EHF: variants seen among roughly 807,000 people sequenced by gnomAD.
EHF encodes ETS homologous factor.
In EHF, 14 loss-of-function variants were observed where a neutral mutation model predicts 45.1. That is an observed-to-expected ratio of 0.31 (90% CI 0.21 to 0.49). EHF has a LOEUF of 0.49. Among genes scored for constraint, EHF ranks in the 20% least tolerant of loss-of-function variants. The pLI, the probability that EHF is intolerant of heterozygous loss-of-function variation, is 0.99. For missense variants in EHF, 282 were observed against 371.4 expected, an observed-to-expected ratio of 0.76 and a Z score of 1.98; for synonymous variants, 136 against 131.8, an observed-to-expected ratio of 1.03 and a Z score of -0.22.
At chr11:34,632,490 T>G in intron 1 of EHF, 1 of 1,530,280 alleles carries the variant, frequency 6.5e-7, no homozygotes, top group Non-Finnish European at 8.7e-7. Context: ...CTGCCCTGAG[T>G]GGAGATTGGT....
At chr11:34,627,495 A>T (rs1200033113) in intron 1 of EHF, among the ~76,000 whole-genome samples, 1 of 152,100 alleles carries the variant, frequency 6.6e-6, no homozygotes, top group East Asian at 1.9e-4. Context: ...ATGTCTACTG[A>T]CCACTGATGC....
intron 1 of EHF, chr11:34,631,465 A>C: frequency 1.6e-6 from 1 of 629,662 alleles, no homozygotes; most frequent in Non-Finnish European, 2.0e-6. Flanking sequence ...TTTTGGACTT[A>C]GCTTATCATG....
chr11:34,646,451 T>C lies in EHF; in HGVS notation c.110T>C (p.Phe37Ser), dbSNP rs1287262359. 1 of 1,614,056 alleles carries C rather than the reference T, an allele frequency of 6.2e-7. No individual in the cohort carries two copies. Among genetic ancestry groups the C allele is most frequent in the East Asian group, 2.2e-5 (1 of 44,878 alleles). Residue 37 changes from phenylalanine to serine, a missense_variant, in exon 3 of 9, where the codon TTT becomes TCT. By Grantham distance (155) the Phe-to-Ser change is radical. Coordinates refer to ENST00000257831, the MANE Select transcript of EHF (RefSeq NM_012153.6). Reference protein sequence around the residue: ...SYSTCNVSSGFFGGQWHEIHP... With the variant: ...SYSTCNVSSGSFGGQWHEIHP... ...TCCTGTTTTGCAGTTTCCAGTGGGT[T>C]TTTTGGAGGCCAGTGGCATGAAATT...
intron 3 of EHF, 54 bp from the exon 4 acceptor site, chr11:34,648,965 C>A: frequency 6.5e-7 from 1 of 1,532,934 alleles, no homozygotes; most frequent in Non-Finnish European, 9.0e-7. Context: ...ATTTAAGCAT[C>A]CAGTTCTGGC....
intron 1 of EHF, among the ~76,000 whole-genome samples, chr11:34,630,670 A>G (rs151032951): frequency 2.0e-3 from 105 of 51,646 alleles, no homozygotes; most frequent in African/African-American, 6.7e-3. Context: ...ACATTCCTGC[A>G]CAGTTGGTCT....
At chr11:34,646,354 T>C (rs1284740358) in intron 2 of EHF, 85 bp from the exon 3 acceptor site, 15 of 1,580,574 alleles carry the variant, frequency 9.5e-6, no homozygotes, top group Non-Finnish European at 1.3e-5. Context: ...CTGAGATATC[T>C]GGCAGCCAAC....
chr11:34,623,283 A>G (rs286918), intron 1 of EHF, among the ~76,000 whole-genome samples: 124,754 of 151,994 alleles, frequency 0.82, 51,763 homozygotes, highest in Middle Eastern at 0.86. Flanking sequence ...ACGGGGTTTT[A>G]CCATGTCAGC....
At chr11:34,644,608 C>G (rs1388350565) in intron 2 of EHF, among the ~76,000 whole-genome samples, 1 of 152,196 alleles carries the variant, frequency 6.6e-6, no homozygotes, top group Non-Finnish European at 1.5e-5. Flanking sequence ...ACCTCCTGCT[C>G]TTAGTGCTTC....
At chr11:34,637,616 G>T (rs1853571017) in intron 1 of EHF, among the ~76,000 whole-genome samples, 1 of 152,192 alleles carries the variant, frequency 6.6e-6, no homozygotes, top group Non-Finnish European at 1.5e-5. Context: ...GGCTAAATAG[G>T]TCTTGGCAAG....
At chr11:34,643,127 G>A (rs1854184149) in intron 2 of EHF, among the ~76,000 whole-genome samples, 1 of 151,902 alleles carries the variant, frequency 6.6e-6, no homozygotes. Context: ...TTAGGAAGGA[G>A]AGGGTTATAG....
chr11:34,652,061 G>A (rs1397356181), intron 6 of EHF, among the ~76,000 whole-genome samples: 2 of 152,148 alleles, frequency 1.3e-5, no homozygotes, highest in East Asian at 3.8e-4. Flanking sequence ...AAGTTGTTTA[G>A]GCTTTTCTTT....
rs940678851 is a variant in EHF at position 34,642,738 on chromosome 11, C to T, written c.97+11C>T. 3.7e-6 allele frequency: 6 copies of T among 1,602,288 alleles called. No homozygotes were observed. Among genetic ancestry groups the T allele is most frequent in the Middle Eastern group, 1.6e-4 (1 of 6,068 alleles). ...ACTCCACGTGCAATGGTAAGAGGGC[C>T]TGTGGGTGTTGGTGTCACTGCTGTG... On this transcript the variant is annotated intron_variant, in intron 2 of 8. Coordinates refer to ENST00000257831, the MANE Select transcript of EHF (RefSeq NM_012153.6).
In EHF at chr11:34,661,481, C is replaced by A. The variant is rs1483400189; in HGVS notation, c.*2550C>A. ...TGAATGTGAAGAGTACCAACTACAA[C>A]AATTCTACAGATAATTAGTGGATTG... On this transcript the variant is annotated 3_prime_UTR_variant, in exon 9 of 9. Coordinates refer to ENST00000257831, the MANE Select transcript of EHF (RefSeq NM_012153.6). 6.6e-6 allele frequency among the ~76,000 whole-genome samples: 1 copy of A among 152,190 alleles called. No homozygotes were observed. Among genetic ancestry groups the A allele is most frequent in the Non-Finnish European group, 1.5e-5 (1 of 68,032 alleles).
intron 1 of EHF, among the ~76,000 whole-genome samples, chr11:34,627,068 C>G (rs10488740): frequency 6.6e-6 from 1 of 151,568 alleles, no homozygotes; most frequent in African/African-American, 2.4e-5. Flanking sequence ...CAGTGAGTTT[C>G]TGTTGGGTCA....
At chr11:34,650,634 T>A (rs1420748980) in intron 4 of EHF, among the ~76,000 whole-genome samples, 1 of 152,084 alleles carries the variant, frequency 6.6e-6, no homozygotes, top group Non-Finnish European at 1.5e-5. Flanking sequence ...AAGCAGGAAG[T>A]TTCTGGTGAG....
chr11:34,625,645 C>T (rs1438500851), intron 1 of EHF, among the ~76,000 whole-genome samples: 2 of 152,272 alleles, frequency 1.3e-5, no homozygotes, highest in East Asian at 3.9e-4. Context: ...AGCAGGGTGG[C>T]CCATTTAAAG....
chr11:34,651,545 C>G lies in EHF; in HGVS notation c.410C>G (p.Pro137Arg), dbSNP rs574931620. 1 of 1,612,960 alleles carries G rather than the reference C, an allele frequency of 6.2e-7. No homozygotes were observed. Among genetic ancestry groups the G allele is most frequent in the South Asian group, 1.1e-5 (1 of 91,006 alleles). The change falls in exon 5 of 9, where the codon CCT (proline) becomes CGT (arginine). Residue 137 changes from proline (P) to arginine (R), a missense_variant. Pro to Arg is a moderately radical substitution (Grantham distance 103, BLOSUM62 -2). Around this residue, in one of 3 missense-constraint regions of EHF, gnomAD observed 213 missense variants for 247.3 expected, o/e 0.86. Transcript: ENST00000257831. ...TCTCCTTCTCTATTTTTTGTAGAGC[C>G]TTCCATCATGAACACCTGGAAAGAC... ...NVIVKTEQTE[P>R]SIMNTWKDEN... is the part of the protein sequence containing the mutation.
chr11:34,646,030 GT>G (rs1016066769), intron 2 of EHF, among the ~76,000 whole-genome samples: 3 of 28,898 alleles, frequency 1.0e-4, no homozygotes, highest in African/African-American at 3.1e-4. Context: ...GTTTGGTGGT[GT>G]GTGTGTGTGT....
At chr11:34,655,351 T>C (rs1376343872) in intron 6 of EHF, among the ~76,000 whole-genome samples, 1 of 152,212 alleles carries the variant, frequency 6.6e-6, no homozygotes, top group Non-Finnish European at 1.5e-5. Flanking sequence ...TTGGGAAATA[T>C]AGAATTGTCA....
Sources: gnomAD v4.1 joint callset for allele counts (sites outside exome capture counted in the v4.1 genomes callset) on GRCh38, gnomAD v4.1.1 for gene constraint, gnomAD v4.1.1 regional missense constraint, MANE v1.5 for transcripts, NCBI Gene and HGNC (gene_info 2026-07-23, HGNC 2026-07-21) for gene names.